Variants in WDR37 observed in about 807,000 individuals in gnomAD.
WDR37 encodes the protein WD repeat domain 37.
WDR37 carries 19 observed loss-of-function variants against 62.9 expected under a neutral mutation model. That is an observed-to-expected ratio of 0.30 (90% confidence interval 0.21 to 0.44). The LOEUF is 0.44. Ranked by LOEUF, WDR37 falls within the 20% of genes least tolerant of loss-of-function variation. The pLI, the probability that WDR37 is intolerant of heterozygous loss-of-function variation, is 1.00. For missense variants in WDR37, 474 were observed against 657.6 expected (o/e 0.72, Z 3.05); for synonymous variants, 250 against 260.9 (o/e 0.96, Z 0.40).
chr10:1,063,455 C>T (rs1242096940), intron 1 of WDR37, among the ~76,000 whole-genome samples: 1 of 152,180 alleles, frequency 6.6e-6, no homozygotes, highest in African/African-American at 2.4e-5. Context: ...ACAGGAAACC[C>T]TGCAGCACCA....
At chr10:1,062,148 G>A (rs1833390154) in intron 1 of WDR37, among the ~76,000 whole-genome samples, 1 of 152,132 alleles carries the variant, frequency 6.6e-6, no homozygotes, top group Admixed American at 6.5e-5. Context: ...ACTCCAGTAT[G>A]AAAAAATCTG....
At chr10:1,092,526 G>C (rs956737626) in intron 7 of WDR37, among the ~76,000 whole-genome samples, 2 of 151,832 alleles carry the variant, frequency 1.3e-5, no homozygotes, top group Non-Finnish European at 2.9e-5. Flanking sequence ...GCCTGCCACA[G>C]TGCCCATCTA....
intron 3 of WDR37, among the ~76,000 whole-genome samples, chr10:1,078,966 G>T (rs1385340460): frequency 6.6e-6 from 1 of 152,202 alleles, no homozygotes; most frequent in South Asian, 2.1e-4. Flanking sequence ...GATGAATAAT[G>T]AAGAGAATAT....
intron 1 of WDR37, among the ~76,000 whole-genome samples, chr10:1,060,515 A>G (rs1270609104): frequency 6.6e-6 from 1 of 152,050 alleles, no homozygotes; most frequent in Non-Finnish European, 1.5e-5. Context: ...GTAATATGGT[A>G]ATCTGTCCAA....
Position 1,104,635 on chromosome 10 carries a change from C to G in WDR37, c.962-491C>G, listed in dbSNP as rs529755516. ...GATAATCTCATCCTATTTACAGGCT[C>G]TGCCCTAACTGAAGGGAAGGGTGTT... On this transcript the variant is annotated intron_variant, in intron 10 of 13. Coordinates refer to ENST00000263150, the MANE Select transcript of WDR37 (RefSeq NM_014023.4). Among the ~76,000 whole-genome samples, 4 of 152,292 alleles carry G rather than the reference C, an allele frequency of 2.6e-5. No homozygotes were observed. The East Asian group carries it at 7.7e-4, about 29-fold the overall frequency.
intron 9 of WDR37, among the ~76,000 whole-genome samples, chr10:1,102,872 G>A (rs573088084): frequency 6.6e-6 from 1 of 152,320 alleles, no homozygotes; most frequent in East Asian, 1.9e-4. Flanking sequence ...AGTTCTCTGA[G>A]GGCAGGGGCT....
intron 1 of WDR37, among the ~76,000 whole-genome samples, chr10:1,062,808 CCGGGTGCAGTGGCTCA>C (rs1833414307): frequency 6.6e-6 from 1 of 152,178 alleles, no homozygotes; most frequent in Non-Finnish European, 1.5e-5. Flanking sequence ...TAAGAGTGGG[CCGGGTGCAGTGGCTCA>C]CGCCTGTAAT....
Position 1,130,452 on chromosome 10 carries a change from C to CA in WDR37, c.*1109dup, listed in dbSNP as rs1240546811. ...GCAGGCCCCGGTGACGAGACACTTC[C>CA]AGGTCTTGTGGTGGGGACGCCTCTC... On this transcript the variant is annotated 3_prime_UTR_variant, in exon 14 of 14. Transcript: ENST00000263150. 6.5e-6 allele frequency: 1 copy of CA among 152,720 alleles called. No individual in the cohort carries two copies. The highest frequency in any genetic ancestry group is 1.9e-4 in the East Asian group (1 of 5,200). The allele number at this position is 152,720 out of a possible 1,614,324, so 9.5% of individuals were successfully genotyped here.
chr10:1,125,936 T>C (rs1835730371), intron 13 of WDR37, among the ~76,000 whole-genome samples: 1 of 152,184 alleles, frequency 6.6e-6, no homozygotes, highest in Admixed American at 6.5e-5. Context: ...GCAAAGAGAA[T>C]CGAGACTCCA....
At chr10:1,102,177 C>T (rs564467789) in intron 9 of WDR37, among the ~76,000 whole-genome samples, 107 of 146,598 alleles carry the variant, frequency 7.3e-4, no homozygotes, top group African/African-American at 2.1e-3. Flanking sequence ...GACGTGTTCT[C>T]GTGCGGCTGT....
At chr10:1,114,224 T>A (rs1835313341) in intron 11 of WDR37, among the ~76,000 whole-genome samples, 2 of 152,350 alleles carry the variant, frequency 1.3e-5, no homozygotes, top group South Asian at 4.1e-4. Flanking sequence ...CCCAAAGTGC[T>A]GGGATTACAG....
chr10:1,067,877 C>A (rs1239683238), intron 1 of WDR37, among the ~76,000 whole-genome samples: 1 of 152,092 alleles, frequency 6.6e-6, no homozygotes, highest in East Asian at 1.9e-4. Context: ...ACACACTCTG[C>A]AATACCATTC....
rs1029564119 is a variant in WDR37, at chr10:1,121,329, C to G, written c.1104-2889C>G. On this transcript the variant is annotated intron_variant, in intron 11 of 13. Transcript: ENST00000263150. The surrounding 1 kb of genome is among the most constrained non-coding windows in gnomAD (Gnocchi z 4.5). ...GCCAAACCTCCTGAAGACTCCAGTT[C>G]AAAGAGAAGTTGGGGGCACCTCTCC... Among the ~76,000 whole-genome samples the G allele has an allele frequency of 6.6e-6, 1 of 152,174 alleles. No homozygotes were observed. The highest frequency in any genetic ancestry group is 2.4e-5 in the African/African-American group (1 of 41,444).
chr10:1,107,385 G>A (rs922015639), intron 11 of WDR37, among the ~76,000 whole-genome samples: 22 of 152,250 alleles, frequency 1.4e-4, no homozygotes, highest in Admixed American at 6.5e-5. Context: ...CCTAGAGGAC[G>A]GGAGGAGCAA....
rs573340111 is a variant in WDR37, at chr10:1,121,054, C to T, written c.1104-3164C>T. On this transcript the variant is annotated intron_variant, in intron 11 of 13. Coordinates refer to ENST00000263150, the MANE Select transcript of WDR37 (RefSeq NM_014023.4). This position sits in a 1 kb window ranked among gnomAD's most constrained non-coding sequence, Gnocchi z 4.5. ...AAATGAGTTTGCCGGAGTTTGGCAG[C>T]GTCGGAACCATTTCCAGTGCACGGC... Among the ~76,000 whole-genome samples the T allele has an allele frequency of 1.1e-4, 16 of 152,354 alleles. No homozygotes were observed. The highest frequency in any genetic ancestry group is 3.4e-3 in the Middle Eastern group (1 of 294).
chr10:1,069,389 A>ATATATATATATATATATT, intron 1 of WDR37, among the ~76,000 whole-genome samples: 8 of 95,782 alleles, frequency 8.4e-5, no homozygotes, highest in African/African-American at 2.8e-4. Context: ...ATATATATAT[A>ATATATATATATATATATT]TTTTTTTTTT....
At chr10:1,119,521 A>G (rs918522887) in intron 11 of WDR37, among the ~76,000 whole-genome samples, 1 of 152,234 alleles carries the variant, frequency 6.6e-6, no homozygotes, top group African/African-American at 2.4e-5. Context: ...GCTTTAGCAT[A>G]GTCTGAAGTC....
In WDR37 at chr10:1,080,567, A is replaced by G. The variant is rs1589088810; in HGVS notation, c.396+91A>G. ...TTGTTTATTTTCCAATTAGAAAGGC[A>G]TAGCAGAAAAAGATAAATGGTTTTA... On this transcript the variant is annotated intron_variant, in intron 5 of 13. Transcript: ENST00000263150. 2.8e-6 allele frequency: 4 copies of G among 1,408,744 alleles called. No homozygotes were observed. In the East Asian group the frequency reaches 9.3e-5, roughly 33 times the overall value. 87.3% of individuals were successfully genotyped at this position (1,408,744 alleles called of 1,614,324 possible).
At chr10:1,086,190 A>G in intron 6 of WDR37, 96 bp from the exon 7 acceptor site, 1 of 964,484 alleles carries the variant, frequency 1.0e-6, no homozygotes, top group Non-Finnish European at 1.6e-6. Context: ...GTGGTCGTGT[A>G]ATTTCCCATT....
Sources: gnomAD v4.1 joint callset for allele counts (sites outside exome capture counted in the v4.1 genomes callset) on GRCh38, gnomAD v4.1.1 for gene constraint, Gnocchi (gnomAD v3.1) non-coding constraint, MANE v1.5 for transcripts, NCBI Gene and HGNC (gene_info 2026-07-23, HGNC 2026-07-21) for gene names.